Variants in MEOX2 observed in about 807,000 individuals in gnomAD.
MEOX2 encodes homeobox protein MOX-2.
Under a neutral mutation model 27.0 loss-of-function variants are expected in MEOX2, and 11 were observed. That is an observed-to-expected ratio of 0.41 (90% CI 0.26 to 0.68). The LOEUF (loss-of-function observed/expected upper bound fraction) is 0.68, where lower values mean the gene tolerates loss of function less well. Ranked by LOEUF, MEOX2 falls within the 30% of genes least tolerant of loss-of-function variation. The probability of loss-of-function intolerance (pLI) is 0.33; values close to 1 mark genes in which losing one functional copy is unlikely to be tolerated. For synonymous variants in MEOX2, 189 were observed against 155.4 expected (o/e 1.22, Z -1.61); for missense variants, 436 against 385.4 (o/e 1.13, Z -1.10).
chr7:15,669,064 C>T (rs536895290), intron 1 of MEOX2, among the ~76,000 whole-genome samples: 2 of 152,266 alleles, frequency 1.3e-5, no homozygotes, highest in African/African-American at 4.8e-5. Flanking sequence ...AAGTAAAAAA[C>T]AATTGGTATT....
In MEOX2 at chr7:15,621,544, C is replaced by T. The variant is rs1395606229; in HGVS notation, c.690+5202G>A. On this transcript the variant is annotated intron_variant, in intron 2 of 2. Transcript: ENST00000262041. Reference sequence around the variant, plus strand: ...CAGAATGGAATTTGGAAATTCAAGTCCTGAGTGATATTTAAGGATTTAATA... The same window carrying T: ...CAGAATGGAATTTGGAAATTCAAGTTCTGAGTGATATTTAAGGATTTAATA... Among the ~76,000 whole-genome samples, 3 of 152,044 alleles carry T rather than the reference C, an allele frequency of 2.0e-5. No homozygotes were observed. In the East Asian group the frequency reaches 5.8e-4, roughly 29 times the overall value.
rs1166563185 is a variant in MEOX2, at chr7:15,611,448, TAATATTTTACAGAAATAA to T, written c.*921_*938del. On this transcript the variant is annotated 3_prime_UTR_variant, in exon 3 of 3. Transcript: ENST00000262041. Reference sequence around the variant, plus strand: ...GTTAATTAAATCATATTCATACAGCTAATATTTTACAGAAATAAAATAAGACAATGTCTGTCATACAAA... The same window carrying T: ...GTTAATTAAATCATATTCATACAGCTAATAAGACAATGTCTGTCATACAAA... 6.6e-6 allele frequency: 1 copy of T among 152,644 alleles called. No individual in the cohort carries two copies. The highest frequency in any genetic ancestry group is 2.4e-5 in the African/African-American group (1 of 41,470). The allele number at this position is 152,644 out of a possible 1,614,324, so 9.5% of individuals were successfully genotyped here.
At chr7:15,653,329 A>AT in intron 1 of MEOX2, among the ~76,000 whole-genome samples, 1 of 151,860 alleles carries the variant, frequency 6.6e-6, no homozygotes, top group South Asian at 2.1e-4. Context: ...TTCGTATTTG[A>AT]TTTTTTTATT....
Position 15,663,942 on chromosome 7 carries a change from G to A in MEOX2, c.517+21944C>T, listed in dbSNP as rs1038556723. Among the ~76,000 whole-genome samples the A allele has an allele frequency of 7.2e-5, 11 of 152,300 alleles. No individual in the cohort carries two copies. In the East Asian group the frequency reaches 1.9e-3, roughly 27 times the overall value. ...GAAAATGTATAGATAGATATAGATA[G>A]ACAGACAGATAGATGATAGATAACT... On this transcript the variant is annotated intron_variant, in intron 1 of 2. Transcript: ENST00000262041.
intron 2 of MEOX2, among the ~76,000 whole-genome samples, chr7:15,620,177 T>C (rs1320932453): frequency 6.6e-6 from 1 of 152,166 alleles, no homozygotes; most frequent in Non-Finnish European, 1.5e-5. Context: ...AGTCAAATTA[T>C]TCTTAATAAT....
chr7:15,640,613 A>C (rs1781544642), intron 1 of MEOX2, among the ~76,000 whole-genome samples: 1 of 152,140 alleles, frequency 6.6e-6, no homozygotes, highest in Non-Finnish European at 1.5e-5. Context: ...CAGTTATTAA[A>C]GGGAATGTTT....
chr7:15,620,586 C>CA (rs773630346), intron 2 of MEOX2, among the ~76,000 whole-genome samples: 112 of 151,088 alleles, frequency 7.4e-4, no homozygotes, highest in Non-Finnish European at 4.4e-4. Flanking sequence ...AAAAGCAAAA[C>CA]AAAAAAAACA....
intron 1 of MEOX2, among the ~76,000 whole-genome samples, chr7:15,682,475 T>G (rs994079210): frequency 1.3e-5 from 2 of 151,936 alleles, no homozygotes; most frequent in Admixed American, 6.6e-5. Context: ...ATAAAATATT[T>G]GTAATTTTAC....
At chr7:15,671,814 T>A (rs567630166) in intron 1 of MEOX2, among the ~76,000 whole-genome samples, 7 of 152,282 alleles carry the variant, frequency 4.6e-5, no homozygotes, top group Admixed American at 6.5e-5. Context: ...CCCAGTGCTT[T>A]GGGAGACCAC....
In MEOX2 at chr7:15,617,803, C is replaced by A. The variant is rs114173122; in HGVS notation, c.691-5192G>T. Among the ~76,000 whole-genome samples, 795 of 152,158 alleles carry A rather than the reference C, an allele frequency of 5.2e-3. 11 individuals are homozygous for A. Among genetic ancestry groups the A allele is most frequent in the African/African-American group, 0.018 (753 of 41,564 alleles). ...TTTCCTACCTCTGTAATTTTTAGTTCTGAAGCCTCTTCTTTTTCTATTTCC... is the reference window on the plus strand; with the variant it reads ...TTTCCTACCTCTGTAATTTTTAGTTATGAAGCCTCTTCTTTTTCTATTTCC... On this transcript the variant is annotated intron_variant, in intron 2 of 2. Coordinates refer to ENST00000262041, the MANE Select transcript of MEOX2 (RefSeq NM_005924.5).
intron 1 of MEOX2, among the ~76,000 whole-genome samples, chr7:15,635,741 C>G (rs1054339965): frequency 1.1e-4 from 17 of 151,966 alleles, no homozygotes; most frequent in African/African-American, 1.4e-4. Flanking sequence ...GGAATTTACA[C>G]AGTGACTAGC....
intron 1 of MEOX2, among the ~76,000 whole-genome samples, chr7:15,665,744 A>C (rs1781993575): frequency 6.6e-6 from 1 of 152,230 alleles, no homozygotes; most frequent in Admixed American, 6.5e-5. Context: ...ATGTAACATT[A>C]ATTTTGCTAG....
At position 15,651,068 on chromosome 7, in the gene MEOX2, G is replaced by T. The variant is rs62439051; in HGVS notation, c.518-24150C>A. On this transcript the variant is annotated intron_variant, in intron 1 of 2. Coordinates refer to ENST00000262041, the MANE Select transcript of MEOX2 (RefSeq NM_005924.5). Reference sequence around the variant, plus strand: ...GACGTGGAGCAAAGAGGAGAGATGAGGCTTGGACCAGCCTGTGAAAGTCCT... The same window carrying T: ...GACGTGGAGCAAAGAGGAGAGATGATGCTTGGACCAGCCTGTGAAAGTCCT... Among the ~76,000 whole-genome samples the T allele has an allele frequency of 1.4e-3, 214 of 152,074 alleles. 1 individual carries two copies. The highest frequency in any genetic ancestry group is 2.4e-3 in the Non-Finnish European group (160 of 67,912).
At chr7:15,683,211 G>A (rs3801430) in intron 1 of MEOX2, among the ~76,000 whole-genome samples, 42,888 of 151,684 alleles carry the variant, frequency 0.28, 6,422 homozygotes, top group East Asian at 0.38. Flanking sequence ...AATTTAACAC[G>A]GTAATTAGAA....
chr7:15,627,641 C>T (rs1316331721), intron 1 of MEOX2, among the ~76,000 whole-genome samples: 1 of 151,950 alleles, frequency 6.6e-6, no homozygotes, highest in East Asian at 1.9e-4. Flanking sequence ...TCTTATAATG[C>T]AGTGTAAAAT....
At chr7:15,644,466 T>A (rs922716904) in intron 1 of MEOX2, among the ~76,000 whole-genome samples, 1 of 152,180 alleles carries the variant, frequency 6.6e-6, no homozygotes, top group Non-Finnish European at 1.5e-5. Context: ...AATCCTTATA[T>A]GCCTGAAACA....
At chr7:15,673,051 C>T (rs1021740789) in intron 1 of MEOX2, among the ~76,000 whole-genome samples, 2 of 152,188 alleles carry the variant, frequency 1.3e-5, no homozygotes, top group South Asian at 4.1e-4. Context: ...GAACCAAGAC[C>T]TTCAAAACAC....
intron 2 of MEOX2, among the ~76,000 whole-genome samples, chr7:15,625,085 C>G (rs897259575): frequency 3.3e-5 from 5 of 152,136 alleles, no homozygotes; most frequent in Admixed American, 1.3e-4. Context: ...GAGCACAGTA[C>G]TGGATCCTGT....
chr7:15,643,637 G>T (rs1043901387), intron 1 of MEOX2, among the ~76,000 whole-genome samples: 2 of 152,180 alleles, frequency 1.3e-5, no homozygotes, highest in African/African-American at 2.4e-5. Flanking sequence ...AGGCTTTCCA[G>T]ACTGTGGGAC....
Sources: allele counts gnomAD v4.1 joint callset (sites outside exome capture counted in the v4.1 genomes callset), GRCh38; gene constraint gnomAD v4.1.1; transcripts MANE v1.5; gene names NCBI Gene and HGNC (gene_info 2026-07-23, HGNC 2026-07-21).